ODAD2: variants seen among roughly 807,000 people sequenced by gnomAD.
ODAD2 encodes outer dynein arm docking complex subunit 2.
In ODAD2, 89 loss-of-function variants were observed where a neutral mutation model predicts 106.8. That is an observed-to-expected ratio of 0.83 (90% CI 0.70 to 0.99). ODAD2 has a LOEUF of 0.99. Ranked by LOEUF, ODAD2 falls within the 50% of genes least tolerant of loss-of-function variation. ODAD2 has a pLI of 0.00. For missense variants in ODAD2, 1,168 were observed against 1,238.5 expected (o/e 0.94, Z 0.85); for synonymous variants, 404 against 436.2 (o/e 0.93, Z 0.92).
chr10:27,838,704 A>C (rs1024427981), intron 19 of ODAD2, among the ~76,000 whole-genome samples: 1 of 152,212 alleles, frequency 6.6e-6, no homozygotes, highest in Non-Finnish European at 1.5e-5. Flanking sequence ...GAATTTGGCA[A>C]AGGTACCCAG....
chr10:27,942,323 G>A (rs1846517358), intron 12 of ODAD2, among the ~76,000 whole-genome samples: 1 of 152,146 alleles, frequency 6.6e-6, no homozygotes, highest in South Asian at 2.1e-4. Flanking sequence ...GTACGTATAG[G>A]TCACAGTCAT....
chr10:27,971,189 T>C lies in ODAD2; in HGVS notation c.1061A>G (p.Asn354Ser). Residue 354 changes from asparagine (N) to serine (S), a missense_variant, in exon 8 of 20, where the codon AAC becomes AGC. By Grantham distance (46) the Asn-to-Ser change is conservative. Coordinates refer to ENST00000305242, the MANE Select transcript of ODAD2 (RefSeq NM_018076.5). ...SGSDKRSLEK[N>S]QINFWRNQMT... ...TTGATTCCTCCAAAAATTAATTTGGTTCTTCTCCAGTGACCTTTTGTCTGA... is the reference window on the plus strand; with the variant it reads ...TTGATTCCTCCAAAAATTAATTTGGCTCTTCTCCAGTGACCTTTTGTCTGA... 1 of 1,613,980 alleles carries C rather than the reference T, an allele frequency of 6.2e-7. No homozygotes were observed.
chr10:27,924,628 A>AAAAAAAAAAAAAAAAC (rs1845119299), intron 16 of ODAD2, among the ~76,000 whole-genome samples: 1 of 146,292 alleles, frequency 6.8e-6, no homozygotes, highest in Non-Finnish European at 1.5e-5. Flanking sequence ...AAAAAAAAAA[A>AAAAAAAAAAAAAAAAC]AAAAAAAAAA....
At chr10:27,974,020 T>C (rs1849028749) in intron 7 of ODAD2, among the ~76,000 whole-genome samples, 1 of 152,256 alleles carries the variant, frequency 6.6e-6, no homozygotes. Flanking sequence ...GATTTGCATT[T>C]CTCTAATAAT....
In ODAD2 at chr10:27,995,052, A is replaced by G. The variant is rs755862193; in HGVS notation, c.91T>C (p.Leu31=). 1.4e-5 allele frequency: 22 copies of G among 1,614,044 alleles called. 1 individual carries two copies. Among genetic ancestry groups the G allele is most frequent in the Middle Eastern group, 1.6e-4 (1 of 6,084 alleles). Residue 31 remains leucine (L), a synonymous_variant, in exon 2 of 20, where the codon TTG becomes CTG. Coordinates refer to ENST00000305242, the MANE Select transcript of ODAD2 (RefSeq NM_018076.5). ...TCCACAAACACAATAATTTCTTTCAATATCGCTTCATTTAGAGGGGTGATT... is the reference window on the plus strand; with the variant it reads ...TCCACAAACACAATAATTTCTTTCAGTATCGCTTCATTTAGAGGGGTGATT... ...LEITPLNEAI[L]KEIIVFVESF... is the part of the protein sequence containing the mutation.
intron 19 of ODAD2, among the ~76,000 whole-genome samples, chr10:27,846,222 T>C (rs984939665): frequency 5.3e-5 from 8 of 152,050 alleles, no homozygotes; most frequent in African/African-American, 1.7e-4. Flanking sequence ...TAACGAACTG[T>C]CTCTCAGACC....
chr10:27,885,768 ATT>A (rs1842143693), intron 17 of ODAD2, among the ~76,000 whole-genome samples: 1 of 45,518 alleles, frequency 2.2e-5, no homozygotes, highest in African/African-American at 7.4e-5. Flanking sequence ...TTTTATATAT[ATT>A]ATATAAAATA....
chr10:27,984,435 C>T (rs570901136), intron 4 of ODAD2, 145 bp from the exon 5 acceptor site: 1,052 of 601,154 alleles, frequency 1.7e-3, no homozygotes, highest in Non-Finnish European at 2.2e-3. Context: ...TTTATAACAG[C>T]ACTGTCAACA....
chr10:27,854,775 C>CA (rs1365009983), intron 19 of ODAD2, among the ~76,000 whole-genome samples: 11 of 151,428 alleles, frequency 7.3e-5, no homozygotes, highest in Admixed American at 7.2e-4. Context: ...CTAAACAAAA[C>CA]AAAAAAAGAA....
intron 18 of ODAD2, among the ~76,000 whole-genome samples, chr10:27,861,688 G>C (rs1461878731): frequency 6.6e-6 from 1 of 152,122 alleles, no homozygotes; most frequent in Non-Finnish European, 1.5e-5. Context: ...TGTATTTTTT[G>C]ATGCAGACGA....
chr10:27,938,451 T>C (rs1288957362), intron 14 of ODAD2, among the ~76,000 whole-genome samples: 1 of 152,108 alleles, frequency 6.6e-6, no homozygotes, highest in Non-Finnish European at 1.5e-5. Context: ...AAACTAACTT[T>C]GGTCTGAAAC....
At chr10:27,940,966 G>C (rs958523956) in intron 12 of ODAD2, among the ~76,000 whole-genome samples, 161 bp from the exon 13 acceptor site, 1 of 152,022 alleles carries the variant, frequency 6.6e-6, no homozygotes, top group African/African-American at 2.4e-5. Flanking sequence ...GGAAAGCAAA[G>C]AAACAAAACC....
At chr10:27,975,718 C>G (rs1234804418) in intron 7 of ODAD2, among the ~76,000 whole-genome samples, 1 of 152,072 alleles carries the variant, frequency 6.6e-6, no homozygotes, top group African/African-American at 2.4e-5. Context: ...ATAAACCGAC[C>G]AAACATTTAA....
chr10:27,910,921 G>A (rs1327824382), intron 16 of ODAD2, among the ~76,000 whole-genome samples: 1 of 152,116 alleles, frequency 6.6e-6, no homozygotes, highest in Non-Finnish European at 1.5e-5. Context: ...TAGTCAGAAT[G>A]TTTTCATCAA....
intron 16 of ODAD2, among the ~76,000 whole-genome samples, chr10:27,930,224 T>C (rs1845516751): frequency 6.6e-6 from 1 of 152,156 alleles, no homozygotes; most frequent in South Asian, 2.1e-4. Flanking sequence ...CTACTTAGGT[T>C]GCCTTATAAA....
chr10:27,851,589 A>C (rs983063880), intron 19 of ODAD2, among the ~76,000 whole-genome samples: 1 of 152,130 alleles, frequency 6.6e-6, no homozygotes, highest in Non-Finnish European at 1.5e-5. Context: ...CATTGCAGAA[A>C]AAAAAGTGAG....
In ODAD2 at chr10:27,935,212, G is replaced by C. The variant is rs1221036983; in HGVS notation, c.2293C>G (p.Leu765Val). Residue 765 changes from leucine to valine, a missense_variant, in exon 16 of 20, where the codon CTA (leucine) becomes GTA (valine). Coordinates refer to ENST00000305242, the MANE Select transcript of ODAD2 (RefSeq NM_018076.5). ...YKAIETLVGL[L>V]TDQPEEVLVN... Reference sequence around the variant, plus strand: ...AGTACTTCTTCAGGCTGATCTGTTAGAAGTCCCACCAAGGTTTCAATGGCT... The same window carrying C: ...AGTACTTCTTCAGGCTGATCTGTTACAAGTCCCACCAAGGTTTCAATGGCT... 1 of 1,613,958 alleles carries C rather than the reference G, an allele frequency of 6.2e-7. No individual in the cohort carries two copies. The highest frequency in any genetic ancestry group is 1.1e-5 in the South Asian group (1 of 91,078).
intron 3 of ODAD2, among the ~76,000 whole-genome samples, chr10:27,986,974 A>T (rs1396015622): frequency 3.3e-5 from 5 of 152,246 alleles, no homozygotes; most frequent in Non-Finnish European, 5.9e-5. Flanking sequence ...AAGGAAATAG[A>T]TTGTCATTCA....
intron 17 of ODAD2, among the ~76,000 whole-genome samples, chr10:27,892,422 T>C (rs1357280937): frequency 6.6e-6 from 1 of 152,216 alleles, no homozygotes; most frequent in Non-Finnish European, 1.5e-5. Context: ...TCTTAAATTA[T>C]TTCGAGGTTT....
Sources: allele counts gnomAD v4.1 joint callset (sites outside exome capture counted in the v4.1 genomes callset), GRCh38; gene constraint gnomAD v4.1.1; transcripts MANE v1.5; gene names NCBI Gene and HGNC (gene_info 2026-07-23, HGNC 2026-07-21).